Variants in PAK5 observed in about 807,000 individuals in gnomAD.
PAK5 encodes the protein serine/threonine-protein kinase PAK 5.
In PAK5, 16 loss-of-function variants were observed where a neutral mutation model predicts 65.9. That is an observed-to-expected ratio of 0.24 (90% CI 0.16 to 0.37). PAK5 has a LOEUF of 0.37. PAK5 is among the 10% of genes least tolerant of loss of function. The probability of loss-of-function intolerance (pLI) is 1.00; values close to 1 mark genes in which losing one functional copy is unlikely to be tolerated. For synonymous variants in PAK5, 371 were observed against 354.9 expected (o/e 1.05, Z -0.51); for missense variants, 785 against 903.9 (o/e 0.87, Z 1.69).
chr20:9,545,884 C>A (rs1193991708), intron 7 of PAK5, among the ~76,000 whole-genome samples: 1 of 152,040 alleles, frequency 6.6e-6, no homozygotes, highest in Non-Finnish European at 1.5e-5. Flanking sequence ...TCATCCTTGA[C>A]TCTTGTCTCT....
chr20:9,838,452 A>C lies in PAK5; in HGVS notation c.-162+310T>G, dbSNP rs552627072. Among the ~76,000 whole-genome samples, 1 of 152,274 alleles carries C rather than the reference A, an allele frequency of 6.6e-6. No homozygotes were observed. The highest frequency in any genetic ancestry group is 1.5e-5 in the Non-Finnish European group (1 of 68,010). ...GTACCAGCACGCTCTCAGGGCTGGA[A>C]TCCGGGGTTCTCCTCCACGCCCTCC... On this transcript the variant is annotated intron_variant, in intron 1 of 9. Coordinates refer to ENST00000353224, the MANE Select transcript of PAK5 (RefSeq NM_177990.4). The surrounding 1 kb of genome is among the most constrained non-coding windows in gnomAD (Gnocchi z 4.5).
At chr20:9,685,261 GT>G (rs1326883620) in intron 2 of PAK5, among the ~76,000 whole-genome samples, 2 of 152,130 alleles carry the variant, frequency 1.3e-5, no homozygotes, top group Admixed American at 1.3e-4. Context: ...GTCTGAGTGG[GT>G]TCTTCTAAAG....
chr20:9,728,591 T>A (rs1233557642), intron 1 of PAK5, among the ~76,000 whole-genome samples: 1 of 152,032 alleles, frequency 6.6e-6, no homozygotes, highest in Non-Finnish European at 1.5e-5. Flanking sequence ...GAAGGAAAAA[T>A]AACTCAGTTT....
chr20:9,779,522 T>C (rs2048920062), intron 1 of PAK5, among the ~76,000 whole-genome samples: 1 of 151,712 alleles, frequency 6.6e-6, no homozygotes, highest in Non-Finnish European at 1.5e-5. Flanking sequence ...TCAGATTTGA[T>C]GCTTCATAAA....
At chr20:9,758,744 G>T (rs1439562116) in intron 1 of PAK5, among the ~76,000 whole-genome samples, 8 of 152,164 alleles carry the variant, frequency 5.3e-5, no homozygotes, top group Admixed American at 2.6e-4. Flanking sequence ...GAACTAAAAT[G>T]AACATAGCAG....
At chr20:9,557,211 G>A (rs1338190480) in intron 7 of PAK5, among the ~76,000 whole-genome samples, 1 of 152,254 alleles carries the variant, frequency 6.6e-6, no homozygotes, top group Non-Finnish European at 1.5e-5. Flanking sequence ...TTACCCAAGT[G>A]GAGTTGATCA....
chr20:9,689,747 A>G (rs1364680094), intron 2 of PAK5, among the ~76,000 whole-genome samples: 2 of 152,226 alleles, frequency 1.3e-5, no homozygotes, highest in African/African-American at 2.4e-5. Context: ...GGTTTGAAGT[A>G]TCTTGGTATT....
intron 2 of PAK5, among the ~76,000 whole-genome samples, chr20:9,648,564 GC>G (rs1158454689): frequency 1.3e-4 from 20 of 151,786 alleles, no homozygotes; most frequent in Non-Finnish European, 1.5e-5. Context: ...GTTCCCAGAT[GC>G]CAGCCAAGGG....
At chr20:9,751,846 T>C (rs2048580524) in intron 1 of PAK5, among the ~76,000 whole-genome samples, 1 of 152,172 alleles carries the variant, frequency 6.6e-6, no homozygotes, top group African/African-American at 2.4e-5. Context: ...AGGATTCCTG[T>C]TTTGTTTTTA....
intron 1 of PAK5, among the ~76,000 whole-genome samples, chr20:9,739,489 A>G (rs1405477884): frequency 3.3e-5 from 5 of 152,138 alleles, no homozygotes; most frequent in African/African-American, 1.2e-4. Context: ...TTGAATTTCA[A>G]ATCACCAGAA....
intron 2 of PAK5, among the ~76,000 whole-genome samples, chr20:9,667,914 T>A (rs2047441502): frequency 6.6e-6 from 1 of 152,146 alleles, no homozygotes; most frequent in African/African-American, 2.4e-5. Flanking sequence ...CTAAAATCAC[T>A]TAAGTAATAG....
intron 1 of PAK5, among the ~76,000 whole-genome samples, chr20:9,806,252 G>A (rs1647810619): frequency 6.6e-6 from 1 of 152,144 alleles, no homozygotes; most frequent in African/African-American, 2.4e-5. Flanking sequence ...GCCTCCCAAA[G>A]TGCTGGGATT....
chr20:9,722,980 C>A (rs897592959), intron 1 of PAK5, among the ~76,000 whole-genome samples: 7 of 152,118 alleles, frequency 4.6e-5, no homozygotes, highest in Non-Finnish European at 8.8e-5. Flanking sequence ...ATCCTCCCCC[C>A]CTCATTCTCC....
chr20:9,633,301 T>C (rs1003127188), intron 3 of PAK5, among the ~76,000 whole-genome samples: 6 of 152,142 alleles, frequency 3.9e-5, no homozygotes, highest in Admixed American at 3.3e-4. Context: ...CAGTCCTGTA[T>C]GAGACTGTGG....
chr20:9,739,242 T>A (rs572212989), intron 1 of PAK5, among the ~76,000 whole-genome samples: 96 of 151,540 alleles, frequency 6.3e-4, no homozygotes, highest in South Asian at 1.5e-3. Flanking sequence ...TTTTTTTTTT[T>A]AAATCACAGC....
chr20:9,640,123 A>G (rs190937700), intron 3 of PAK5, among the ~76,000 whole-genome samples: 1,644 of 151,672 alleles, frequency 0.011, 32 homozygotes, highest in African/African-American at 0.037. Flanking sequence ...TGTTACATAT[A>G]TATACATGTG....
chr20:9,661,619 C>T (rs2047348433), intron 2 of PAK5, among the ~76,000 whole-genome samples: 1 of 152,142 alleles, frequency 6.6e-6, no homozygotes, highest in Admixed American at 6.5e-5. Flanking sequence ...TCCCACCTCT[C>T]ATAACTGGTC....
intron 3 of PAK5, among the ~76,000 whole-genome samples, chr20:9,607,762 G>A (rs1490704586): frequency 6.6e-6 from 1 of 151,942 alleles, no homozygotes; most frequent in Non-Finnish European, 1.5e-5. Flanking sequence ...GGAGGTTGAG[G>A]CTACAGTGAG....
Position 9,672,541 on chromosome 20 carries a change from C to T in PAK5, c.-11-28202G>A, listed in dbSNP as rs55650034. Among the ~76,000 whole-genome samples the T allele has an allele frequency of 6.2e-3, 947 of 151,910 alleles. 5 individuals are homozygous for T. Among genetic ancestry groups the T allele is most frequent in the Non-Finnish European group, 9.5e-3 (647 of 67,972 alleles). On this transcript the variant is annotated intron_variant, in intron 2 of 9. Transcript: ENST00000353224. ...TTATAAAGGGGAGTTCCCCTGTACA[C>T]GCTCTCCTGCCTGCTGCCATGTAAG...
Sources: allele counts gnomAD v4.1 joint callset (sites outside exome capture counted in the v4.1 genomes callset), GRCh38; gene constraint gnomAD v4.1.1; non-coding constraint Gnocchi (gnomAD v3.1); transcripts MANE v1.5; gene names NCBI Gene and HGNC (gene_info 2026-07-23, HGNC 2026-07-21).